ESPL1: variants seen among roughly 807,000 people sequenced by gnomAD.
ESPL1 encodes extra spindle pole bodies like 1, separase.
Under a neutral mutation model 217.2 loss-of-function variants are expected in ESPL1, and 50 were observed. That is an observed-to-expected ratio of 0.23 (90% CI 0.18 to 0.29). ESPL1 has a LOEUF of 0.29. Among genes scored for constraint, ESPL1 ranks in the 10% least tolerant of loss-of-function variants. ESPL1 has a pLI of 1.00. For missense variants in ESPL1, 1,834 were observed against 2,603.0 expected (o/e 0.70, Z 6.43); for synonymous variants, 994 against 1,081.3 (o/e 0.92, Z 1.58).
chr12:53,274,690 C>A, intron 6 of ESPL1, 127 bp from the exon 7 acceptor site: 1 of 708,240 alleles, frequency 1.4e-6, no homozygotes, highest in Non-Finnish European at 2.4e-6. Context: ...GTGGGTGTGG[C>A]TCAGGAGGCC....
rs61741367 is a variant in ESPL1, at chr12:53,286,351, C to T, written c.3615C>T (p.Ser1205=). The change falls in exon 18 of 31, where the codon TCC becomes TCT. Residue 1205 remains serine, a synonymous_variant. Coordinates refer to ENST00000257934, the MANE Select transcript of ESPL1 (RefSeq NM_012291.5). The surrounding 1 kb of genome is among the most constrained non-coding windows in gnomAD (Gnocchi z 5.3). Reference sequence around the variant, plus strand: ...GCCTCACCCAAGCTCTCCAAGCTTCCCTGAATCATAAAACACCCCCCTCCT... The same window carrying T: ...GCCTCACCCAAGCTCTCCAAGCTTCTCTGAATCATAAAACACCCCCCTCCT... ...AERLTQALQA[S]LNHKTPPSLV... The T allele has an allele frequency of 6.4e-3, 10,271 of 1,614,170 alleles. 520 individuals carry two copies. The African/African-American group carries it at 0.12, about 18-fold the overall frequency.
chr12:53,284,801 CAGG>C (rs962936887), intron 17 of ESPL1, among the ~76,000 whole-genome samples: 1 of 151,166 alleles, frequency 6.6e-6, no homozygotes, highest in Non-Finnish European at 1.5e-5. Flanking sequence ...ATCATGGGGT[CAGG>C]AGTTCAAGAC....
chr12:53,277,018 C>A, intron 8 of ESPL1, 65 bp from the exon 9 acceptor site: 1 of 1,583,812 alleles, frequency 6.3e-7, no homozygotes, highest in African/African-American at 1.3e-5. Flanking sequence ...TGCAGCTAGC[C>A]CTTCCCAGGG....
At chr12:53,273,785 C>CTTTCAA (rs1943716048) in intron 6 of ESPL1, among the ~76,000 whole-genome samples, 1 of 150,806 alleles carries the variant, frequency 6.6e-6, no homozygotes, top group Non-Finnish European at 1.5e-5. Context: ...AAAGATCCCC[C>CTTTCAA]AGGTGGTCCT....
intron 12 of ESPL1, among the ~76,000 whole-genome samples, chr12:53,281,268 G>A (rs937001876): frequency 2.6e-5 from 4 of 151,208 alleles, no homozygotes; most frequent in Non-Finnish European, 5.9e-5. Context: ...CTCCCGAGTA[G>A]CTGGGATTAC....
At chr12:53,271,872 G>A (rs1487410692) in intron 5 of ESPL1, among the ~76,000 whole-genome samples, 1 of 151,540 alleles carries the variant, frequency 6.6e-6, no homozygotes. Flanking sequence ...GGCGGATAAC[G>A]AGGTCAGGAG....
chr12:53,270,557 TGGGGTTGCTCC>T, intron 4 of ESPL1, 75 bp downstream of exon 4: 2 of 1,227,566 alleles, frequency 1.6e-6, no homozygotes, highest in Non-Finnish European at 2.4e-6. Flanking sequence ...CAAACAGCTT[TGGGGTTGCTCC>T]ACTGCCCTCA....
chr12:53,268,965 A>G, intron 2 of ESPL1, 59 bp from the exon 3 acceptor site: 2 of 1,507,394 alleles, frequency 1.3e-6, no homozygotes, highest in Non-Finnish European at 1.8e-6. Flanking sequence ...ATTTCTAGTT[A>G]CTTTCTCTAC....
rs1212078602 is a variant in ESPL1 at position 53,285,944 on chromosome 12, C to T, written c.3208C>T (p.His1070Tyr). The T allele has an allele frequency of 6.5e-6, 10 of 1,538,456 alleles. No individual in the cohort carries two copies. The highest frequency in any genetic ancestry group is 1.4e-5 in the African/African-American group (1 of 72,624). Residue 1070 changes from histidine (H) to tyrosine (Y), a missense_variant, in exon 18 of 31, where the codon CAC (histidine) becomes TAC (tyrosine). By Grantham distance (83) the His-to-Tyr change is moderately conservative. Coordinates refer to ENST00000257934, the MANE Select transcript of ESPL1 (RefSeq NM_012291.5). ...CCCAGAGTTTGGTGGGGTGACTCAG[C>T]ACCTGGACTCTGTGAAGAAGGTCCA... ...SCTEFGGVTQ[H>Y]LDSVKKVHLQ...
Position 53,283,161 on chromosome 12 carries a change from T to G in ESPL1, c.2824T>G (p.Ser942Ala), listed in dbSNP as rs1943891839. The change falls in exon 15 of 31, where the codon TCC (serine) becomes GCC (alanine). Residue 942 changes from serine to alanine, a missense_variant. Physicochemically the swap from Ser to Ala is moderately conservative, Grantham distance 99. This residue lies in a region of ESPL1 where 107 missense variants were observed against 171.7 expected (regional missense o/e 0.62). Coordinates refer to ENST00000257934, the MANE Select transcript of ESPL1 (RefSeq NM_012291.5). ...WQTPEIALID[S>A]HKLLRSIILL... ...GACACCTGAGATAGCTCTCATAGAC[T>G]CCCATAAGCTCCTCCGAAGCATCAT... The G allele has an allele frequency of 6.2e-7, 1 of 1,614,080 alleles. No individual in the cohort carries two copies.
Position 53,286,790 on chromosome 12 carries a change from C to T in ESPL1, c.4054C>T (p.Arg1352Trp), listed in dbSNP as rs1312814330. The T allele has an allele frequency of 2.0e-5, 32 of 1,614,026 alleles. No individual in the cohort carries two copies. The highest frequency in any genetic ancestry group is 1.6e-4 in the Middle Eastern group (1 of 6,084). Residue 1352 changes from arginine to tryptophan, a missense_variant, in exon 18 of 31, where the codon CGG becomes TGG. By Grantham distance (101) the Arg-to-Trp change is moderately radical. This residue lies in a region of ESPL1 where 681 missense variants were observed against 808.0 expected (regional missense o/e 0.84). Coordinates refer to ENST00000257934, the MANE Select transcript of ESPL1 (RefSeq NM_012291.5). The surrounding 1 kb of genome is among the most constrained non-coding windows in gnomAD (Gnocchi z 5.3). ...GCCCTGCACACCTAAACCCCCAGAC[C>T]GGATCAGGCAAGCTGGCCCTCATGT... ...GLPCTPKPPD[R>W]IRQAGPHVPF... is the part of the protein sequence containing the mutation.
rs765563331 is a variant in ESPL1 at position 53,286,932 on chromosome 12, A to G, written c.4176+20A>G. ...CTCAAGGTGAGGTGGGACTGTTGCT[A>G]GGTGGTGGTGATGGTGTTGGATGGG... is the stretch of plus-strand genomic sequence containing the variant. On this transcript the variant is annotated intron_variant, in intron 18 of 30. Transcript: ENST00000257934. This position sits in a 1 kb window ranked among gnomAD's most constrained non-coding sequence, Gnocchi z 5.3. 57 of 1,565,010 alleles carry G rather than the reference A, an allele frequency of 3.6e-5. No individual in the cohort carries two copies. Among genetic ancestry groups the G allele is most frequent in the Non-Finnish European group, 4.6e-5 (53 of 1,156,772 alleles).
intron 9 of ESPL1, 83 bp from the exon 10 acceptor site, chr12:53,277,387 C>A: frequency 1.3e-6 from 2 of 1,526,260 alleles, no homozygotes; most frequent in Non-Finnish European, 1.8e-6. Context: ...CTCCAACAAT[C>A]CTCCCACCTC....
At chr12:53,275,157 G>A (rs569798538) in intron 7 of ESPL1, 147 bp downstream of exon 7, 2 of 617,610 alleles carry the variant, frequency 3.2e-6, no homozygotes, top group Middle Eastern at 4.5e-4. Context: ...AAAATTAGCT[G>A]GGCATTGGCC....
chr12:53,287,785 T>C (rs1342008796), intron 18 of ESPL1, 187 bp from the exon 19 acceptor site: 1 of 540,096 alleles, frequency 1.9e-6, no homozygotes, highest in African/African-American at 1.9e-5. Flanking sequence ...ATTTTCTCCC[T>C]CCTTCCACAC....
intron 8 of ESPL1, 107 bp from the exon 9 acceptor site, chr12:53,276,976 G>A (rs1943776330): frequency 6.4e-7 from 1 of 1,555,734 alleles, no homozygotes; most frequent in South Asian, 1.2e-5. Context: ...TGTGGCCATG[G>A]GAGCACATGC....
In ESPL1 at chr12:53,269,539, A is replaced by G; in HGVS notation, c.597A>G (p.Val199=). 6 of 1,614,252 alleles carry G rather than the reference A, an allele frequency of 3.7e-6. No individual in the cohort carries two copies. The highest frequency in any genetic ancestry group is 5.1e-6 in the Non-Finnish European group (6 of 1,180,050). The stretch of plus-strand genomic sequence containing the variant: ...CTTCTCCAACAGCCTGTCGAGCGGT[A>G]GCTGCCCATCAGCTATTTGATGCCA... ...HFASPTACRA[V]AAHQLFDASG... The change falls in exon 3 of 31, where the codon GTA becomes GTG. Residue 199 remains valine, a synonymous_variant. Coordinates refer to ENST00000257934, the MANE Select transcript of ESPL1 (RefSeq NM_012291.5). This position sits in a 1 kb window ranked among gnomAD's most constrained non-coding sequence, Gnocchi z 6.7.
rs369308881 is a variant in ESPL1, at chr12:53,269,368, C to T, written c.426C>T (p.Ala142=). Reference sequence around the variant, plus strand: ...AGGCTGCTCCCCAGGACTATGAGGCCGTGGCTCGGGGCAGCTTTTCTCTGC... The same window carrying T: ...AGGCTGCTCCCCAGGACTATGAGGCTGTGGCTCGGGGCAGCTTTTCTCTGC... The part of the protein sequence containing the change: ...SREAAPQDYE[A]VARGSFSLLW... Residue 142 remains alanine, a synonymous_variant, in exon 3 of 31, where the codon GCC becomes GCT. Coordinates refer to ENST00000257934, the MANE Select transcript of ESPL1 (RefSeq NM_012291.5). The surrounding 1 kb of genome is among the most constrained non-coding windows in gnomAD (Gnocchi z 6.7). 2.5e-6 allele frequency: 4 copies of T among 1,613,928 alleles called. No homozygotes were observed. The highest frequency in any genetic ancestry group is 2.2e-5 in the South Asian group (2 of 91,088).
intron 9 of ESPL1, 80 bp from the exon 10 acceptor site, chr12:53,277,390 C>T: frequency 1.3e-6 from 2 of 1,532,450 alleles, no homozygotes; most frequent in Non-Finnish European, 8.8e-7. Flanking sequence ...CAACAATCCT[C>T]CCACCTCAGC....
Sources: gnomAD v4.1 joint callset for allele counts (sites outside exome capture counted in the v4.1 genomes callset) on GRCh38, gnomAD v4.1.1 for gene constraint, gnomAD v4.1.1 regional missense constraint, Gnocchi (gnomAD v3.1) non-coding constraint, MANE v1.5 for transcripts, NCBI Gene and HGNC (gene_info 2026-07-23, HGNC 2026-07-21) for gene names.